Variants in CCDC6 observed in about 807,000 individuals in gnomAD.
CCDC6 encodes coiled-coil domain-containing protein 6.
Under a neutral mutation model 56.6 loss-of-function variants are expected in CCDC6, and 20 were observed. The observed-to-expected ratio is 0.35, with a 90% CI of 0.25 to 0.51. CCDC6 has a LOEUF of 0.51. CCDC6 is among the 20% of genes least tolerant of loss of function. The pLI, the probability that CCDC6 is intolerant of heterozygous loss-of-function variation, is 0.95. For synonymous variants in CCDC6, 241 were observed against 234.4 expected (o/e 1.03, Z -0.26); for missense variants, 367 against 601.1 (o/e 0.61, Z 4.07).
At chr10:59,798,380 T>C (rs972030666) in intron 7 of CCDC6, among the ~76,000 whole-genome samples, 5 of 152,230 alleles carry the variant, frequency 3.3e-5, no homozygotes, top group African/African-American at 9.6e-5. Flanking sequence ...GTTGTGCTAT[T>C]ATCGCAGGAC....
Position 59,852,609 on chromosome 10 carries a change from T to C in CCDC6, c.397A>G (p.Asn133Asp). 6.2e-7 allele frequency: 1 copy of C among 1,604,154 alleles called. No homozygotes were observed. The highest frequency in any genetic ancestry group is 8.5e-7 in the Non-Finnish European group (1 of 1,176,688). ...LQKEKETLAV[N>D]YEKEEEFLTN... is the part of the protein sequence containing the mutation. ...AGGAATTCTTCTTCTTTCTCATAATTTACAGCAAGGGTTTCTTTCTCCTTC... is the reference window on the plus strand; with the variant it reads ...AGGAATTCTTCTTCTTTCTCATAATCTACAGCAAGGGTTTCTTTCTCCTTC... The change falls in exon 2 of 9, where the codon AAT (asparagine) becomes GAT (aspartate). Residue 133 changes from asparagine to aspartate, a missense_variant. This residue lies in a region of CCDC6 where 31 missense variants were observed against 124.2 expected (regional missense o/e 0.25). Transcript: ENST00000263102.
intron 1 of CCDC6, among the ~76,000 whole-genome samples, chr10:59,860,270 A>G (rs892439859): frequency 1.3e-5 from 2 of 152,132 alleles, no homozygotes; most frequent in Admixed American, 1.3e-4. Context: ...CCCCGAGGAA[A>G]GGCTGGAAAC....
intron 1 of CCDC6, among the ~76,000 whole-genome samples, chr10:59,879,415 C>T (rs2071313714): frequency 6.6e-6 from 1 of 152,146 alleles, no homozygotes; most frequent in Admixed American, 6.5e-5. Context: ...ATCAGATGCT[C>T]ACAGCCAGAC....
intron 1 of CCDC6, among the ~76,000 whole-genome samples, chr10:59,857,518 C>T (rs1374189029): frequency 6.6e-6 from 1 of 152,146 alleles, no homozygotes; most frequent in Non-Finnish European, 1.5e-5. Flanking sequence ...AGTGCCAAAA[C>T]CAAAATCACG....
At chr10:59,805,894 T>A (rs781136887) in intron 6 of CCDC6, among the ~76,000 whole-genome samples, 145 of 152,212 alleles carry the variant, frequency 9.5e-4, no homozygotes, top group Admixed American at 9.8e-4. Flanking sequence ...GTCCTCTAGA[T>A]CCATTCCATA....
At chr10:59,806,875 GGTTTT>G in intron 6 of CCDC6, 42 bp downstream of exon 6, 1 of 1,581,262 alleles carries the variant, frequency 6.3e-7, no homozygotes, top group Non-Finnish European at 8.6e-7. Flanking sequence ...GTAGAACCTG[GGTTTT>G]ATTTTTTAAA....
chr10:59,846,987 G>T (rs930626383), intron 2 of CCDC6, among the ~76,000 whole-genome samples: 2 of 152,228 alleles, frequency 1.3e-5, no homozygotes, highest in Non-Finnish European at 2.9e-5. Flanking sequence ...CTCAGTGTCT[G>T]AGATAATTGA....
At chr10:59,878,741 C>T (rs2071306438) in intron 1 of CCDC6, among the ~76,000 whole-genome samples, 2 of 152,212 alleles carry the variant, frequency 1.3e-5, no homozygotes, top group African/African-American at 2.4e-5. Context: ...AAGTCTTCTA[C>T]TCACACCCTG....
intron 1 of CCDC6, among the ~76,000 whole-genome samples, chr10:59,892,165 A>G (rs2071426782): frequency 6.6e-6 from 1 of 152,076 alleles, no homozygotes; most frequent in Non-Finnish European, 1.5e-5. Flanking sequence ...TAGAACCCAT[A>G]CCCCCATGAA....
chr10:59,824,698 AGAT>A (rs1344056230), intron 3 of CCDC6, among the ~76,000 whole-genome samples: 3 of 152,320 alleles, frequency 2.0e-5, no homozygotes, highest in East Asian at 3.9e-4. Flanking sequence ...GAGGAGGAGA[AGAT>A]GAAGAAAAAC....
intron 3 of CCDC6, among the ~76,000 whole-genome samples, chr10:59,816,034 C>T (rs938363074): frequency 3.9e-5 from 6 of 152,188 alleles, no homozygotes; most frequent in Non-Finnish European, 5.9e-5. Flanking sequence ...CTCAACCTCC[C>T]GAGATGGTTA....
At chr10:59,803,465 A>G (rs2070593623) in intron 7 of CCDC6, among the ~76,000 whole-genome samples, 1 of 152,210 alleles carries the variant, frequency 6.6e-6, no homozygotes, top group Non-Finnish European at 1.5e-5. Context: ...CCTCTGTCAC[A>G]GTCCCCTCCA....
At position 59,791,357 on chromosome 10, in the gene CCDC6, A is replaced by T; in HGVS notation, c.*1560T>A. The T allele has an allele frequency of 5.0e-6, 1 of 199,348 alleles. No homozygotes were observed. The highest frequency in any genetic ancestry group is 7.8e-5 in the East Asian group (1 of 12,770). The allele number at this position is 199,348 out of a possible 1,614,324, so 12.3% of individuals were successfully genotyped here. On this transcript the variant is annotated 3_prime_UTR_variant, in exon 9 of 9. Transcript: ENST00000263102. The stretch of plus-strand genomic sequence containing the variant: ...GCTAGTCAAACACTATTATCCAACA[A>T]GACTTTTTTTTTTCATTCTGTTAAC...
intron 3 of CCDC6, among the ~76,000 whole-genome samples, 181 bp from the exon 4 acceptor site, chr10:59,814,936 C>CA (rs3830506): frequency 0.49 from 74,064 of 151,892 alleles, 18,911 homozygotes; most frequent in African/African-American, 0.65. Context: ...TAGATAGGTT[C>CA]ATTCTTGGAT....
chr10:59,906,391 C>A lies in CCDC6; in HGVS notation c.34G>T (p.Gly12Trp), dbSNP rs747463591. The change falls in exon 1 of 9, where the codon GGG becomes TGG. Residue 12 changes from glycine to tryptophan, a missense_variant. Gly to Trp is a radical substitution (Grantham distance 184, BLOSUM62 -2). Coordinates refer to ENST00000263102, the MANE Select transcript of CCDC6 (RefSeq NM_005436.5). ...ADSASESDTD[G>W]AGGNSSSSAA... ...GAGCTGCTGCTGTTGCCCCCCGCCCCGTCCGTGTCGCTCTCGCTGGCGCTG... is the reference window on the plus strand; with the variant it reads ...GAGCTGCTGCTGTTGCCCCCCGCCCAGTCCGTGTCGCTCTCGCTGGCGCTG... The A allele has an allele frequency of 6.3e-7, 1 of 1,583,266 alleles. No individual in the cohort carries two copies. Among genetic ancestry groups the A allele is most frequent in the East Asian group, 2.3e-5 (1 of 43,846 alleles).
chr10:59,817,980 T>C (rs10994027), intron 3 of CCDC6, among the ~76,000 whole-genome samples: 27,012 of 152,080 alleles, frequency 0.18, 3,299 homozygotes, highest in African/African-American at 0.34. Context: ...GCCTGCAAGA[T>C]GACATGACTC....
chr10:59,883,049 T>C (rs1288709482), intron 1 of CCDC6, among the ~76,000 whole-genome samples: 4 of 151,410 alleles, frequency 2.6e-5, no homozygotes, highest in African/African-American at 9.7e-5. Flanking sequence ...TTTAATTCAG[T>C]AGGAAAAAGA....
chr10:59,881,924 T>C (rs532774947), intron 1 of CCDC6, among the ~76,000 whole-genome samples: 4 of 152,126 alleles, frequency 2.6e-5, no homozygotes, highest in African/African-American at 7.2e-5. Context: ...AGTGCTCTTG[T>C]ATCCAAAACC....
Position 59,813,250 on chromosome 10 carries a change from A to G in CCDC6, c.687-455T>C, listed in dbSNP as rs2070687466. Among the ~76,000 whole-genome samples, 2 of 152,286 alleles carry G rather than the reference A, an allele frequency of 1.3e-5. 1 individual carries two copies. The highest frequency in any genetic ancestry group is 6.8e-3 in the Middle Eastern group (2 of 294). On this transcript the variant is annotated intron_variant, in intron 4 of 8. Coordinates refer to ENST00000263102, the MANE Select transcript of CCDC6 (RefSeq NM_005436.5). ...GGAGGGTAAAGTAACACAGAGACTC[A>G]ACTTCTAAAATTCCCTCCTGCAAAA...
Sources: allele counts gnomAD v4.1 joint callset (sites outside exome capture counted in the v4.1 genomes callset), GRCh38; gene constraint gnomAD v4.1.1; regional missense constraint gnomAD v4.1.1; transcripts MANE v1.5; gene names NCBI Gene and HGNC (gene_info 2026-07-23, HGNC 2026-07-21).